The following CIAO3 variants were observed in gnomAD, a reference collection of about 807,000 sequenced individuals.
CIAO3 encodes the protein LET1 like/JFP15.
Under a neutral mutation model 51.5 loss-of-function variants are expected in CIAO3, and 45 were observed. The observed-to-expected ratio is 0.87, with a 90% CI of 0.69 to 1.12. The LOEUF is 1.12. Ranked by LOEUF, CIAO3 falls within the 50% of genes most tolerant of loss-of-function variation. The pLI is 0.00. For missense variants in CIAO3, 668 were observed against 632.5 expected (o/e 1.06, Z -0.60); for synonymous variants, 314 against 269.3 (o/e 1.17, Z -1.63).
At chr16:740,799 G>C in intron 1 of CIAO3, 121 bp downstream of exon 1, 1 of 1,080,536 alleles carries the variant, frequency 9.3e-7, no homozygotes, top group Non-Finnish European at 1.3e-6. Flanking sequence ...TGACGGCCCA[G>C]ACCGGGCTCC....
At chr16:739,453 G>A (rs1282884988) in intron 2 of CIAO3, 190 bp downstream of exon 2, 1 of 625,350 alleles carries the variant, frequency 1.6e-6, no homozygotes, top group Non-Finnish European at 2.9e-6. Flanking sequence ...TGGCCTGGGT[G>A]CTGCTCATTC....
At chr16:736,852 C>T (rs1340489154) in intron 3 of CIAO3, 3 of 347,882 alleles carry the variant, frequency 8.6e-6, no homozygotes, top group East Asian at 6.5e-5. Context: ...TTAGTAGAGA[C>T]GGGGTTTCAC....
At chr16:739,899 A>T in intron 1 of CIAO3, 161 bp from the exon 2 acceptor site, 2 of 1,219,792 alleles carry the variant, frequency 1.6e-6, no homozygotes, top group Non-Finnish European at 2.3e-6. Flanking sequence ...TTCCTGCCCC[A>T]CTGCTCTCAC....
At chr16:730,768 C>A in intron 10 of CIAO3, 75 bp downstream of exon 10, 1 of 1,588,330 alleles carries the variant, frequency 6.3e-7, no homozygotes, top group Non-Finnish European at 8.6e-7. Context: ...TCCTCCCACT[C>A]CCAGCCTGGT....
intron 3 of CIAO3, 191 bp downstream of exon 3, chr16:736,995 G>A (rs575580028): frequency 1.5e-6 from 1 of 683,788 alleles, no homozygotes; most frequent in East Asian, 2.7e-5. Context: ...TTTAGAACCT[G>A]AAGTTTGGGG....
At position 730,248 on chromosome 16, in the gene CIAO3, C is replaced by A. The variant is rs1240642058; in HGVS notation, c.*169G>T. 4 of 672,336 alleles carry A rather than the reference C, an allele frequency of 5.9e-6. No homozygotes were observed. The African/African-American group carries it at 7.2e-5, about 12-fold the overall frequency. The allele number at this position is 672,336 out of a possible 1,614,324, so 41.6% of individuals were successfully genotyped here. A position where few individuals can be genotyped will look rare whatever the true frequency, so the allele number is the denominator to read the frequency against. On this transcript the variant is annotated 3_prime_UTR_variant, in exon 11 of 11. Transcript: ENST00000251588. The stretch of plus-strand genomic sequence containing the variant: ...CCAGTGGGAACCCAGAGGCACCCAA[C>A]TGGAGGTGACGAGGCGGCTGCGGGT...
In CIAO3 at chr16:737,778, G is replaced by C; in HGVS notation, c.163-449C>G. On this transcript the variant is annotated intron_variant, in intron 2 of 10. Coordinates refer to ENST00000251588, the MANE Select transcript of CIAO3 (RefSeq NM_022493.3). The surrounding 1 kb of genome is among the most constrained non-coding windows in gnomAD (Gnocchi z 5.3). ...AGAGGAGAGCAGAGGGAGGAAGCCT[G>C]GGAGCCTGGCCTCCGGTGGGCGGGG... The C allele has an allele frequency of 1.3e-5, 16 of 1,218,914 alleles. No individual in the cohort carries two copies. Among genetic ancestry groups the C allele is most frequent in the Non-Finnish European group, 1.7e-5 (16 of 954,622 alleles). 75.5% of individuals were successfully genotyped at this position (1,218,914 alleles called of 1,614,324 possible).
Position 731,725 on chromosome 16 carries a change from A to G in CIAO3, c.897-23T>C, listed in dbSNP as rs556955286. The stretch of plus-strand genomic sequence containing the variant: ...CACCTGGCAAGGAGGGAGGGGCCTC[A>G]GCACAGCTGGGGCTGCTGCCTGCCA... On this transcript the variant is annotated intron_variant, in intron 8 of 10. Transcript: ENST00000251588. 22 of 1,533,034 alleles carry G rather than the reference A, an allele frequency of 1.4e-5. No individual in the cohort carries two copies. The East Asian group carries it at 5.3e-4, about 37-fold the overall frequency. 95.0% of individuals were successfully genotyped at this position (1,533,034 alleles called of 1,614,324 possible). A position where few individuals can be genotyped will look rare whatever the true frequency, so the allele number is the denominator to read the frequency against.
At chr16:730,811 G>A (rs1315525935) in intron 10 of CIAO3, 32 bp downstream of exon 10, 1 of 1,608,632 alleles carries the variant, frequency 6.2e-7, no homozygotes, top group Non-Finnish European at 8.5e-7. Flanking sequence ...TCCCAGAAGG[G>A]GTCCTCGTGT....
intron 9 of CIAO3, chr16:731,330 G>A: frequency 8.0e-6 from 5 of 628,276 alleles, no homozygotes; most frequent in East Asian, 6.1e-5. Flanking sequence ...CTGGCCTCTC[G>A]GGCTCAGGGT....
At position 730,893 on chromosome 16, in the gene CIAO3, T is replaced by C; in HGVS notation, c.1142A>G (p.Lys381Arg). The change falls in exon 10 of 11, where the codon AAA becomes AGA. Residue 381 changes from lysine (K) to arginine (R), a missense_variant. Physicochemically the swap from Lys to Arg is conservative, Grantham distance 26. Transcript: ENST00000251588. Reference sequence around the variant, plus strand: ...GTAGTGGTAGGGGCAGCGCCCTCGTTTGAGCCTCTGCACCAGGTTCTGGAT... The same window carrying C: ...GTAGTGGTAGGGGCAGCGCCCTCGTCTGAGCCTCTGCACCAGGTTCTGGAT... ...RNIQNLVQRLKRGRCPYHYVE... is the reference protein window; with the variant it reads ...RNIQNLVQRLRRGRCPYHYVE... 2 of 1,612,924 alleles carry C rather than the reference T, an allele frequency of 1.2e-6. No homozygotes were observed. Among genetic ancestry groups the C allele is most frequent in the East Asian group, 2.2e-5 (1 of 44,890 alleles).
At chr16:733,661 CCAAGT>C (rs1166924961) in intron 6 of CIAO3, 1 of 555,172 alleles carries the variant, frequency 1.8e-6, no homozygotes, top group Non-Finnish European at 3.2e-6. Context: ...TCCCTAACAG[CCAAGT>C]CCAGCGGAGG....
intron 7 of CIAO3, chr16:732,878 C>G (rs2041299786): frequency 3.3e-6 from 1 of 305,438 alleles, no homozygotes; most frequent in Admixed American, 4.6e-5. Context: ...CCTCGTGATC[C>G]ACCCACCTCT....
chr16:737,507 T>A lies in CIAO3; in HGVS notation c.163-178A>T, dbSNP rs1365156891. 1.3e-6 allele frequency: 2 copies of A among 1,523,194 alleles called. No homozygotes were observed. Among genetic ancestry groups the A allele is most frequent in the African/African-American group, 2.8e-5 (2 of 72,676 alleles). The allele number at this position is 1,523,194 out of a possible 1,614,324, so 94.4% of individuals were successfully genotyped here. On this transcript the variant is annotated intron_variant, in intron 2 of 10. Transcript: ENST00000251588. This position sits in a 1 kb window ranked among gnomAD's most constrained non-coding sequence, Gnocchi z 5.3. ...AAAAATGCACACGCACGCTCTACAGTTTCATAATGCCGTCAAGTCTGCTTC... is the reference window on the plus strand; with the variant it reads ...AAAAATGCACACGCACGCTCTACAGATTCATAATGCCGTCAAGTCTGCTTC...
Position 730,458 on chromosome 16 carries a change from C to G in CIAO3, c.1390G>C (p.Ala464Pro). ...AGGCCAGTGCTGGCCTTCTCCACGGCGTGGTACTGCGTATGCAGCAAGCGA... is the reference window on the plus strand; with the variant it reads ...AGGCCAGTGCTGGCCTTCTCCACGGGGTGGTACTGCGTATGCAGCAAGCGA... ...AGRLLHTQYHAVEKASTGLGI... is the reference protein window; with the variant it reads ...AGRLLHTQYHPVEKASTGLGI... Residue 464 changes from alanine to proline, a missense_variant, in exon 11 of 11, where the codon GCC (alanine) becomes CCC (proline). Transcript: ENST00000251588. 1.2e-6 allele frequency: 2 copies of G among 1,606,474 alleles called. No individual in the cohort carries two copies. Among genetic ancestry groups the G allele is most frequent in the Non-Finnish European group, 1.7e-6 (2 of 1,179,944 alleles).
In CIAO3 at chr16:730,464, A is replaced by G. The variant is rs2041261567; in HGVS notation, c.1384T>C (p.Tyr462His). Reference protein sequence around the residue: ...ECAGRLLHTQYHAVEKASTGL... With the variant: ...ECAGRLLHTQHHAVEKASTGL... ...GTGCTGGCCTTCTCCACGGCGTGGT[A>G]CTGCGTATGCAGCAAGCGACCTGCA... is the stretch of plus-strand genomic sequence containing the variant. Residue 462 changes from tyrosine to histidine, a missense_variant, in exon 11 of 11, where the codon TAC becomes CAC. By Grantham distance (83) the Tyr-to-His change is moderately conservative (BLOSUM62 2). Coordinates refer to ENST00000251588, the MANE Select transcript of CIAO3 (RefSeq NM_022493.3). The G allele has an allele frequency of 6.2e-7, 1 of 1,607,144 alleles. No homozygotes were observed. The highest frequency in any genetic ancestry group is 1.7e-5 in the Admixed American group (1 of 60,000).
intron 6 of CIAO3, chr16:733,722 C>G (rs183267357): frequency 2.3e-6 from 1 of 434,652 alleles, no homozygotes; most frequent in African/African-American, 2.0e-5. Flanking sequence ...GCACAGCAGC[C>G]GGGGAAACGG....
rs530028154 is a variant in CIAO3 at position 730,721 on chromosome 16, G to C, written c.1193-66C>G. The C allele has an allele frequency of 8.7e-5, 138 of 1,581,064 alleles. No individual in the cohort carries two copies. In the African/African-American group the frequency reaches 1.7e-3, roughly 19 times the overall value. ...CCAGCCAAGCTTCCTGACCACCAGG[G>C]AGCAGGGAGGTGACCGGGCCCCCTC... On this transcript the variant is annotated intron_variant, in intron 10 of 10. Coordinates refer to ENST00000251588, the MANE Select transcript of CIAO3 (RefSeq NM_022493.3).
At chr16:740,128 A>T in intron 1 of CIAO3, 2 of 1,302,762 alleles carry the variant, frequency 1.5e-6, no homozygotes, top group Non-Finnish European at 2.0e-6. Context: ...CCTCCTGCTC[A>T]GTGCCCGGGA....
Sources: allele counts gnomAD v4.1 joint callset, GRCh38; gene constraint gnomAD v4.1.1; non-coding constraint Gnocchi (gnomAD v3.1); transcripts MANE v1.5; gene names NCBI Gene and HGNC (gene_info 2026-07-23, HGNC 2026-07-21).